Variants in HS6ST2 observed in about 807,000 individuals in gnomAD.
HS6ST2 encodes the protein heparan sulfate 6-O-sulfotransferase 2.
A neutral mutation model predicts 33.0 loss-of-function variants in HS6ST2; 17 were observed. The observed-to-expected ratio is 0.52, with a 90% CI of 0.35 to 0.77. HS6ST2 has a LOEUF of 0.77. Among genes scored for constraint, HS6ST2 ranks in the 30% least tolerant of loss-of-function variants. The probability of loss-of-function intolerance (pLI) is 0.01; values close to 1 mark genes in which losing one functional copy is unlikely to be tolerated. For missense variants in HS6ST2, 519 were observed against 551.7 expected (o/e 0.94, Z 0.59); for synonymous variants, 248 against 237.1 (o/e 1.05, Z -0.42).
chrX:132,803,336 T>C (rs2065253383), intron 2 of HS6ST2, among the ~76,000 whole-genome samples: 1 of 111,646 alleles, frequency 9.0e-6, no homozygotes, highest in Admixed American at 9.5e-5. Context: ...TGGACACCCA[T>C]ACAAGAGAAG....
intron 2 of HS6ST2, among the ~76,000 whole-genome samples, chrX:132,801,745 A>C (rs2065237539): frequency 8.9e-6 from 1 of 112,284 alleles, no homozygotes; most frequent in Admixed American, 9.5e-5. Context: ...TAGTAGTAAG[A>C]AGGAAAACAT....
intron 2 of HS6ST2, among the ~76,000 whole-genome samples, chrX:132,724,215 A>G (rs2064369923): frequency 8.9e-6 from 1 of 112,317 alleles, no homozygotes; most frequent in Admixed American, 9.4e-5. Context: ...AGAAGAAATC[A>G]AATTGGCCTT....
chrX:132,954,357 C>G (rs778079830), intron 2 of HS6ST2, among the ~76,000 whole-genome samples: 1 of 111,875 alleles, frequency 8.9e-6, no homozygotes, highest in East Asian at 2.8e-4. Context: ...AAAGCAGACT[C>G]TCCCATTTCC....
chrX:132,641,024 A>G (rs1223952093), intron 4 of HS6ST2, among the ~76,000 whole-genome samples: 2 of 111,832 alleles, frequency 1.8e-5, no homozygotes, highest in African/African-American at 3.3e-5. Flanking sequence ...TCAACCCACA[A>G]CCCCTTCCTC....
intron 2 of HS6ST2, among the ~76,000 whole-genome samples, chrX:132,864,219 G>A: frequency 9.1e-6 from 1 of 109,593 alleles, no homozygotes; most frequent in Non-Finnish European, 1.9e-5. Context: ...AACTCCTCGC[G>A]AGCAAGGGAA....
At chrX:132,757,254 C>A (rs1241765424) in intron 2 of HS6ST2, among the ~76,000 whole-genome samples, 1 of 111,642 alleles carries the variant, frequency 9.0e-6, no homozygotes, top group African/African-American at 3.3e-5. Flanking sequence ...AAATGTGTTA[C>A]TAGCAAAGGA....
chrX:132,725,369 C>T (rs1030981134), intron 2 of HS6ST2, among the ~76,000 whole-genome samples: 1 of 111,942 alleles, frequency 8.9e-6, no homozygotes, highest in African/African-American at 3.2e-5. Context: ...TTTAAACAGA[C>T]ATTTCTCAAA....
intron 2 of HS6ST2, among the ~76,000 whole-genome samples, chrX:132,811,114 T>C (rs975005999): frequency 1.8e-5 from 2 of 112,116 alleles, no homozygotes; most frequent in African/African-American, 6.5e-5. Flanking sequence ...TCAAGTTTGA[T>C]CATGTCACTA....
At chrX:132,902,304 T>C (rs1602844937) in intron 2 of HS6ST2, among the ~76,000 whole-genome samples, 1 of 111,291 alleles carries the variant, frequency 9.0e-6, no homozygotes, top group African/African-American at 3.3e-5. Context: ...GGTTTCACCA[T>C]GTTGCCCAGG....
intron 2 of HS6ST2, among the ~76,000 whole-genome samples, chrX:132,791,810 CAA>C (rs60249665): frequency 2.8e-4 from 24 of 84,800 alleles, no homozygotes; most frequent in South Asian, 1.1e-3. Flanking sequence ...CCCATTTCTA[CAA>C]AAAAAAAAAA....
At chrX:132,804,516 G>T (rs1228865136) in intron 2 of HS6ST2, among the ~76,000 whole-genome samples, 2 of 112,283 alleles carry the variant, frequency 1.8e-5, no homozygotes, top group South Asian at 3.8e-4. Flanking sequence ...TAAGAAAAAG[G>T]GGGGTGGGCA....
intron 2 of HS6ST2, among the ~76,000 whole-genome samples, chrX:132,819,546 A>G (rs2065431545): frequency 8.9e-6 from 1 of 111,886 alleles, no homozygotes; most frequent in Admixed American, 9.5e-5. Flanking sequence ...TACCCAGAGA[A>G]CTAAGAGTAT....
At chrX:132,938,580 T>A (rs1333926157) in intron 2 of HS6ST2, among the ~76,000 whole-genome samples, 6 of 110,842 alleles carry the variant, frequency 5.4e-5, no homozygotes, top group Non-Finnish European at 1.1e-4. Flanking sequence ...AGGTTGAGGG[T>A]GCAGTGAGCT....
At chrX:132,912,621 C>T (rs1400175251) in intron 2 of HS6ST2, among the ~76,000 whole-genome samples, 1 of 112,155 alleles carries the variant, frequency 8.9e-6, no homozygotes, top group Non-Finnish European at 1.9e-5. Context: ...TTGTGCTCTT[C>T]CATTTGATAA....
intron 2 of HS6ST2, among the ~76,000 whole-genome samples, chrX:132,709,324 C>CG (rs1317410718): frequency 8.9e-6 from 1 of 112,041 alleles, no homozygotes; most frequent in African/African-American, 3.2e-5. Context: ...CTTTTATGCC[C>CG]GAAGTGGGCT....
chrX:132,651,853 C>A (rs1445117861), intron 4 of HS6ST2, among the ~76,000 whole-genome samples: 1 of 111,464 alleles, frequency 9.0e-6, no homozygotes, highest in Non-Finnish European at 1.9e-5. Context: ...TATTCAGTAC[C>A]CTCCTCCTCC....
At chrX:132,836,246 C>T (rs2065642923) in intron 2 of HS6ST2, among the ~76,000 whole-genome samples, 1 of 112,313 alleles carries the variant, frequency 8.9e-6, no homozygotes, top group Non-Finnish European at 1.9e-5. Context: ...ACAGATGTGG[C>T]ATCACATAGT....
chrX:132,710,838 G>C (rs2064225362), intron 2 of HS6ST2, among the ~76,000 whole-genome samples: 1 of 111,499 alleles, frequency 9.0e-6, no homozygotes, highest in African/African-American at 3.3e-5. Flanking sequence ...AAGCCTCTAA[G>C]TGGCAGTTTC....
intron 4 of HS6ST2, among the ~76,000 whole-genome samples, chrX:132,650,741 A>ATCTCTCTCTC (rs3066707): frequency 0.041 from 3,595 of 87,294 alleles, 120 homozygotes; most frequent in Admixed American, 0.14. Flanking sequence ...CATAGGAGGG[A>ATCTCTCTCTC]TCTCTCTCTC....
Sources: allele counts gnomAD v4.1 joint callset (sites outside exome capture counted in the v4.1 genomes callset), GRCh38; gene constraint gnomAD v4.1.1; transcripts MANE v1.5; gene names NCBI Gene and HGNC (gene_info 2026-07-23, HGNC 2026-07-21).